ZC3H12B: variants seen among roughly 807,000 people sequenced by gnomAD.
The protein encoded by ZC3H12B is zinc finger CCCH-type containing 12B.
A neutral mutation model predicts 43.9 loss-of-function variants in ZC3H12B; 7 were observed. The ratio of observed to expected loss-of-function variants is 0.16; its 90% CI spans 0.09 to 0.30. The LOEUF (loss-of-function observed/expected upper bound fraction) is 0.30. Ranked by LOEUF, ZC3H12B falls within the 10% of genes least tolerant of loss-of-function variation. ZC3H12B has a pLI of 1.00. For synonymous variants in ZC3H12B, 222 were observed against 241.7 expected, an observed-to-expected ratio of 0.92 and a Z score of 0.76; for missense variants, 475 against 670.2, an observed-to-expected ratio of 0.71 and a Z score of 3.22.
the ZC3H12B span, among the ~76,000 whole-genome samples, chrX:65,212,212 T>G: frequency 4.2e-5 from 2 of 47,623 alleles, no homozygotes; most frequent in Admixed American, 8.8e-4. Flanking sequence ...TATTATATAA[T>G]ATATTATATA....
chrX:65,266,871 A>T, the ZC3H12B span, among the ~76,000 whole-genome samples: 8 of 111,023 alleles, frequency 7.2e-5, 1 homozygote, highest in African/African-American at 1.6e-4. Context: ...TATTGGTCAC[A>T]GCACACCAGG....
At chrX:65,048,818 C>A in the ZC3H12B span, among the ~76,000 whole-genome samples, 2 of 110,754 alleles carry the variant, frequency 1.8e-5, no homozygotes, top group South Asian at 7.6e-4. Context: ...TAATGTACGA[C>A]ACTAGTTACT....
intron 2 of ZC3H12B, among the ~76,000 whole-genome samples, chrX:65,390,643 C>A (rs754805904): frequency 1.6e-4 from 18 of 109,447 alleles, no homozygotes; most frequent in Admixed American, 5.9e-4. Context: ...CCACCCCCAC[C>A]TTCAGCATGG....
chrX:65,280,096 A>G, the ZC3H12B span, among the ~76,000 whole-genome samples: 5 of 112,257 alleles, frequency 4.5e-5, no homozygotes, highest in African/African-American at 1.3e-4. Flanking sequence ...CAAGGACACA[A>G]CAAAAAAGGA....
intron 3 of ZC3H12B, among the ~76,000 whole-genome samples, chrX:65,467,845 A>G (rs973283765): frequency 4.5e-5 from 5 of 111,951 alleles, no homozygotes; most frequent in African/African-American, 1.3e-4. Flanking sequence ...GTAGTTCTGA[A>G]TATTAGTCCT....
the ZC3H12B span, among the ~76,000 whole-genome samples, chrX:65,149,745 C>T: frequency 9.8e-6 from 1 of 101,939 alleles, no homozygotes; most frequent in African/African-American, 3.5e-5. Flanking sequence ...GCCTGGGCCA[C>T]AGAGTGAGAC....
intron 3 of ZC3H12B, among the ~76,000 whole-genome samples, chrX:65,443,833 G>A (rs1460122493): frequency 2.7e-5 from 3 of 112,474 alleles, no homozygotes; most frequent in South Asian, 3.7e-4. Flanking sequence ...CAGACTTTGG[G>A]GGACTTGCTC....
exon 1 of ZC3H12B, chrX:65,488,829 C>G (rs1420036937): frequency 8.3e-7 from 1 of 1,201,339 alleles, no homozygotes; most frequent in African/African-American, 1.8e-5. Flanking sequence ...GGTAGAGACA[C>G]CAAAAATGGA....
At chrX:65,501,916 A>G (rs755027151) in exon 5 of ZC3H12B, 1 of 1,210,698 alleles carries the variant, frequency 8.3e-7, no homozygotes, top group Non-Finnish European at 1.1e-6. Flanking sequence ...CTATGAGTGA[A>G]GGCACCCTGG....
At chrX:65,501,474 C>T (rs1050678191) in intron 4 of ZC3H12B, among the ~76,000 whole-genome samples, 13 of 110,181 alleles carry the variant, frequency 1.2e-4, no homozygotes, top group Non-Finnish European at 2.3e-4. Context: ...AAGCTGGTCT[C>T]GAACTCCTGG....
chrX:65,291,433 G>T, the ZC3H12B span, among the ~76,000 whole-genome samples: 1 of 112,061 alleles, frequency 8.9e-6, no homozygotes, highest in Non-Finnish European at 1.9e-5. Flanking sequence ...ACAAAATGTA[G>T]TATGTACACA....
the ZC3H12B span, among the ~76,000 whole-genome samples, chrX:65,228,248 T>G: frequency 8.9e-6 from 1 of 111,933 alleles, no homozygotes. Flanking sequence ...TCAATAAATA[T>G]AATCCAGCAT....
chrX:65,088,472 G>A, the ZC3H12B span, among the ~76,000 whole-genome samples: 1 of 111,485 alleles, frequency 9.0e-6, no homozygotes, highest in Non-Finnish European at 1.9e-5. Context: ...GCAACTTCTA[G>A]TCCTGCAAGC....
the ZC3H12B span, among the ~76,000 whole-genome samples, chrX:65,035,034 C>T: frequency 1.8e-5 from 2 of 112,565 alleles, no homozygotes; most frequent in Non-Finnish European, 3.8e-5. Context: ...GCCTTCCCCC[C>T]ATCGCCTCCC....
the ZC3H12B span, among the ~76,000 whole-genome samples, chrX:65,319,596 A>C: frequency 2.7e-5 from 3 of 111,539 alleles, no homozygotes; most frequent in Admixed American, 2.9e-4. Flanking sequence ...TCCTGATACC[A>C]AAACCTGGCA....
the ZC3H12B span, among the ~76,000 whole-genome samples, chrX:65,232,073 A>C: frequency 1.1e-5 from 1 of 90,561 alleles, no homozygotes; most frequent in Admixed American, 1.0e-4. Flanking sequence ...GTCTCTACTA[A>C]CAATACAAAA....
the ZC3H12B span, among the ~76,000 whole-genome samples, chrX:65,348,900 G>A: frequency 9.0e-6 from 1 of 111,240 alleles, no homozygotes; most frequent in Non-Finnish European, 1.9e-5. Context: ...AAGGGACTTA[G>A]ACTACCACAC....
the ZC3H12B span, among the ~76,000 whole-genome samples, chrX:65,342,463 T>A: frequency 8.9e-6 from 1 of 112,157 alleles, no homozygotes; most frequent in Non-Finnish European, 1.9e-5. Context: ...AACCACTCTC[T>A]TGGAACACAG....
chrX:65,330,998 G>T, the ZC3H12B span: 1 of 335,380 alleles, frequency 3.0e-6, no homozygotes, highest in African/African-American at 2.6e-5. Flanking sequence ...TATTGTTCCT[G>T]AATGACTTTT....
Sources: gnomAD v4.1 joint callset for allele counts (sites outside exome capture counted in the v4.1 genomes callset) on GRCh38, gnomAD v4.1.1 for gene constraint, MANE v1.5 for transcripts, NCBI Gene and HGNC (gene_info 2026-07-23, HGNC 2026-07-21) for gene names.